Variants in MSN observed in about 807,000 individuals in gnomAD.
The protein encoded by MSN is epididymis luminal protein 70.
In MSN, 2 loss-of-function variants were observed where a neutral mutation model predicts 48.0. The observed-to-expected ratio is 0.04, with a 90% CI of 0.02 to 0.13. The LOEUF (loss-of-function observed/expected upper bound fraction) is 0.13, where lower values mean the gene tolerates loss of function less well. Among genes scored for constraint, MSN ranks in the 10% least tolerant of loss-of-function variants. The probability of loss-of-function intolerance (pLI) is 1.00; values close to 1 mark genes in which losing one functional copy is unlikely to be tolerated. For synonymous variants in MSN, 146 were observed against 166.9 expected (o/e 0.87, Z 0.97); for missense variants, 267 against 470.1 (o/e 0.57, Z 3.99).
At chrX:65,620,416 C>T (rs868307906) in intron 1 of MSN, among the ~76,000 whole-genome samples, 6 of 113,904 alleles carry the variant, frequency 5.3e-5, no homozygotes, top group African/African-American at 1.6e-4. Context: ...CGCGGTGCGC[C>T]GCTTTCCAAG....
rs2071729388 is a variant in MSN at position 65,740,773 on chromosome X, A to G, written c.*880A>G. On this transcript the variant is annotated 3_prime_UTR_variant, in exon 13 of 13. Transcript: ENST00000360270. Reference sequence around the variant, plus strand: ...TTCAATACCCAAATCCTCTCCAGCTATAACAGTAGGGATGAGTACCCAAAA... The same window carrying G: ...TTCAATACCCAAATCCTCTCCAGCTGTAACAGTAGGGATGAGTACCCAAAA... The G allele has an allele frequency of 5.8e-6, 1 of 173,751 alleles. No individual in the cohort carries two copies. The highest frequency in any genetic ancestry group is 1.1e-5 in the Non-Finnish European group (1 of 90,503). 14.3% of individuals were successfully genotyped at this position (173,751 alleles called of 1,213,427 possible).
intron 7 of MSN, among the ~76,000 whole-genome samples, chrX:65,734,344 T>C (rs1270123280): frequency 1.8e-5 from 2 of 111,733 alleles, no homozygotes; most frequent in Non-Finnish European, 3.8e-5. Flanking sequence ...ACTTTACACA[T>C]GTTGTCTCCT....
At chrX:65,607,815 C>T (rs1026498086) in intron 1 of MSN, among the ~76,000 whole-genome samples, 2 of 111,207 alleles carry the variant, frequency 1.8e-5, no homozygotes, top group African/African-American at 6.6e-5. Flanking sequence ...ACCTCTCCCA[C>T]CATAAAGGCA....
intron 1 of MSN, among the ~76,000 whole-genome samples, chrX:65,648,880 AAAATAAAAT>A (rs1426404264): frequency 2.5e-4 from 27 of 109,497 alleles, no homozygotes; most frequent in East Asian, 5.6e-4. Context: ...AAAATAAAAT[AAAATAAAAT>A]AAATAAAATA....
intron 1 of MSN, among the ~76,000 whole-genome samples, chrX:65,607,193 G>A (rs1230010035): frequency 2.7e-5 from 3 of 112,257 alleles, no homozygotes; most frequent in African/African-American, 9.7e-5. Flanking sequence ...TTAGCAACTT[G>A]CCTTAGGTTA....
chrX:65,631,565 T>A (rs1040457475), intron 1 of MSN, among the ~76,000 whole-genome samples: 4 of 112,427 alleles, frequency 3.6e-5, no homozygotes, highest in Non-Finnish European at 7.5e-5. Flanking sequence ...CCTATATCAA[T>A]AGTTCATTCC....
chrX:65,625,832 C>T (rs1448259403), intron 1 of MSN: 1 of 110,991 alleles, frequency 9.0e-6, no homozygotes, highest in Non-Finnish European at 1.9e-5. Flanking sequence ...TTTCTTTTTC[C>T]CTTTTAAATA....
chrX:65,696,796 C>T (rs1602813682), intron 1 of MSN, among the ~76,000 whole-genome samples: 1 of 110,898 alleles, frequency 9.0e-6, no homozygotes, highest in Non-Finnish European at 1.9e-5. Flanking sequence ...TTTATCAACT[C>T]GAAAAAACAA....
chrX:65,738,984 G>A lies in MSN; in HGVS notation c.1359G>A (p.Gln453=). Reference sequence around the variant, plus strand: ...TCACTGGACAGGCCCAGATGGTACAGGAAGACTTGGAGAAGACCCGTGCTG... The same window carrying A: ...TCACTGGACAGGCCCAGATGGTACAAGAAGACTTGGAGAAGACCCGTGCTG... The part of the protein sequence containing the change: ...VEWQQKAQMV[Q]EDLEKTRAEL... The change falls in exon 12 of 13, where the codon CAG becomes CAA. Residue 453 remains glutamine, a synonymous_variant. Transcript: ENST00000360270. 8.3e-7 allele frequency: 1 copy of A among 1,211,549 alleles called. No individual in the cohort carries two copies. Among genetic ancestry groups the A allele is most frequent in the Non-Finnish European group, 1.1e-6 (1 of 895,329 alleles).
intron 1 of MSN, among the ~76,000 whole-genome samples, chrX:65,708,591 C>T (rs967968688): frequency 9.0e-5 from 10 of 111,610 alleles, no homozygotes; most frequent in African/African-American, 1.3e-4. Context: ...CCGTGCTTGG[C>T]GGGGTGTTTA....
chrX:65,616,300 A>C (rs1362998323), intron 1 of MSN, among the ~76,000 whole-genome samples: 2 of 100,753 alleles, frequency 2.0e-5, no homozygotes, highest in South Asian at 9.9e-4. Context: ...CTTGGGCAGT[A>C]TGGCCATTTT....
chrX:65,600,522 AAG>A (rs1316801411), intron 1 of MSN: 1 of 112,089 alleles, frequency 8.9e-6, no homozygotes, highest in Admixed American at 9.5e-5. Flanking sequence ...GATTGACTAA[AAG>A]AGCTATTCCG....
At chrX:65,738,720 A>G (rs1439586958) in intron 11 of MSN, 103 bp downstream of exon 11, 1 of 790,843 alleles carries the variant, frequency 1.3e-6, no homozygotes, top group Non-Finnish European at 1.8e-6. Context: ...CCTCTTTCAT[A>G]CTTCCCACAG....
Position 65,600,229 on chromosome X carries a change from CT to C in MSN, c.-22+11622del, listed in dbSNP as rs772916296. Among the ~76,000 whole-genome samples the C allele has an allele frequency of 2.0e-4, 22 of 111,129 alleles. 1 individual carries two copies. The South Asian group carries it at 8.3e-3, about 42-fold the overall frequency. On this transcript the variant is annotated intron_variant, in intron 1 of 3. Coordinates refer to the MSN transcript ENST00000609672. ...TAGCTTATGATTGGAGTGTGTGTGT[CT>C]TTTTAAAAATTTCTGTTGGCTGCTC...
In MSN at chrX:65,698,808, T is replaced by G. The variant is rs904756373; in HGVS notation, c.13-18010T>G. On this transcript the variant is annotated intron_variant, in intron 1 of 12. Coordinates refer to ENST00000360270, the MANE Select transcript of MSN (RefSeq NM_002444.3). ...TCATGCTGGTCTCTCTCCACAGTTT[T>G]CTACTGTGGGAATAGCTGGACACTT... Among the ~76,000 whole-genome samples the G allele has an allele frequency of 4.5e-5, 5 of 112,232 alleles. No individual in the cohort carries two copies. In the Admixed American group the frequency reaches 4.7e-4, roughly 11 times the overall value.
intron 1 of MSN, among the ~76,000 whole-genome samples, chrX:65,637,491 C>A (rs139273113): frequency 0.014 from 1,516 of 110,763 alleles, 23 homozygotes; most frequent in African/African-American, 0.048. Context: ...GATAGACCTT[C>A]CCACCTCTCT....
chrX:65,615,475 A>G (rs1480179442), intron 1 of MSN, among the ~76,000 whole-genome samples: 2 of 109,956 alleles, frequency 1.8e-5, no homozygotes. Context: ...GCATTTTTTC[A>G]TGTGTTTTTT....
chrX:65,727,340 T>C (rs771696203), intron 2 of MSN, among the ~76,000 whole-genome samples: 73 of 111,306 alleles, frequency 6.6e-4, no homozygotes, highest in Admixed American at 3.2e-3. Flanking sequence ...ATCATGGAAG[T>C]GGGAAGTGGT....
chrX:65,641,336 C>A (rs1022522297), intron 1 of MSN, among the ~76,000 whole-genome samples: 1 of 104,138 alleles, frequency 9.6e-6, no homozygotes, highest in African/African-American at 3.5e-5. Context: ...TTGAGACCAG[C>A]GTGGCAAACA....
Sources: allele counts gnomAD v4.1 joint callset (sites outside exome capture counted in the v4.1 genomes callset), GRCh38; gene constraint gnomAD v4.1.1; transcripts MANE v1.5; gene names NCBI Gene and HGNC (gene_info 2026-07-23, HGNC 2026-07-21).